Variants in TMTC3 observed in about 807,000 individuals in gnomAD.
The protein encoded by TMTC3 is transmembrane O-mannosyltransferase targeting cadherins 3.
In TMTC3, 52 loss-of-function variants were observed where a neutral mutation model predicts 92.2. The ratio of observed to expected loss-of-function variants is 0.56; its 90% CI spans 0.45 to 0.71. TMTC3 has a LOEUF of 0.71. Ranked by LOEUF, TMTC3 falls within the 30% of genes least tolerant of loss-of-function variation. The pLI is 0.00. For synonymous variants in TMTC3, 339 were observed against 363.3 expected, an observed-to-expected ratio of 0.93 and a Z score of 0.76; for missense variants, 896 against 1,057.1, an observed-to-expected ratio of 0.85 and a Z score of 2.11.
chr12:88,187,457 T>C (rs1453653446), intron 10 of TMTC3, among the ~76,000 whole-genome samples: 2 of 152,204 alleles, frequency 1.3e-5, no homozygotes, highest in African/African-American at 4.8e-5. Context: ...TATCTGACTT[T>C]TTTTTAAACT....
Position 88,199,640 on chromosome 12 carries a change from C to T in TMTC3, c.*3991C>T, listed in dbSNP as rs866236634. 3 of 152,116 alleles carry T rather than the reference C, an allele frequency of 2.0e-5. No homozygotes were observed. The highest frequency in any genetic ancestry group is 2.9e-5 in the Non-Finnish European group (2 of 68,002). 9.4% of individuals were successfully genotyped at this position (152,116 alleles called of 1,614,324 possible). A position where few individuals can be genotyped will look rare whatever the true frequency, so the allele number is the denominator to read the frequency against. On this transcript the variant is annotated 3_prime_UTR_variant, in exon 14 of 14. Coordinates refer to ENST00000266712, the MANE Select transcript of TMTC3 (RefSeq NM_181783.4). The stretch of plus-strand genomic sequence containing the variant: ...AAGATAAATTATACTTAGGATGAAG[C>T]TAAAATGCATAACTGAGACACCTTA...
rs965309994 is a variant in TMTC3, at chr12:88,198,695, T to C, written c.*3046T>C. ...TTTTCATTACATCTAATTTGAACTC[T>C]CAACTTCATGTTACAGAATGCTTTA... On this transcript the variant is annotated 3_prime_UTR_variant, in exon 14 of 14. Transcript: ENST00000266712. 1.3e-5 allele frequency: 4 copies of C among 317,980 alleles called. No individual in the cohort carries two copies. Among genetic ancestry groups the C allele is most frequent in the African/African-American group, 6.4e-5 (3 of 46,888 alleles). 19.7% of individuals were successfully genotyped at this position (317,980 alleles called of 1,614,324 possible).
intron 8 of TMTC3, 117 bp downstream of exon 8, chr12:88,172,862 A>T: frequency 6.8e-7 from 1 of 1,476,668 alleles, no homozygotes; most frequent in Non-Finnish European, 9.0e-7. Flanking sequence ...TTGGTTTTTC[A>T]TCTCCATAGT....
intron 11 of TMTC3, among the ~76,000 whole-genome samples, chr12:88,189,254 C>T (rs1009923220): frequency 8.6e-5 from 13 of 151,934 alleles, no homozygotes; most frequent in South Asian, 6.2e-4. Context: ...CCACCACACC[C>T]GGCTAATTTT....
intron 10 of TMTC3, among the ~76,000 whole-genome samples, chr12:88,187,771 A>G (rs755121319): frequency 3.3e-4 from 50 of 152,308 alleles, no homozygotes; most frequent in Non-Finnish European, 5.7e-4. Flanking sequence ...ATTATTGCAC[A>G]ATTGCAAAAT....
chr12:88,145,703 T>C (rs1592718751), intron 1 of TMTC3, among the ~76,000 whole-genome samples: 1 of 152,192 alleles, frequency 6.6e-6, no homozygotes, highest in South Asian at 2.1e-4. Context: ...ATAGATATTA[T>C]GTATTCACGT....
At chr12:88,149,335 G>A (rs1565942255) in intron 2 of TMTC3, among the ~76,000 whole-genome samples, 1 of 152,048 alleles carries the variant, frequency 6.6e-6, no homozygotes, top group African/African-American at 2.4e-5. Context: ...TCTAATTTTA[G>A]TTATGTCATA....
rs948064967 is a variant in TMTC3, at chr12:88,172,927, CTG to C, written c.1199+186_1199+187del. ...GAAAGCTCCATGGCACCTACTTATT[CTG>C]TGTTCTTCCCTATATTTATGTAATT... On this transcript the variant is annotated intron_variant, in intron 8 of 13. Transcript: ENST00000266712. 12 of 1,491,606 alleles carry C rather than the reference CTG, an allele frequency of 8.0e-6. No homozygotes were observed. In the Admixed American group the frequency reaches 2.4e-4, roughly 30 times the overall value. The allele number at this position is 1,491,606 out of a possible 1,614,324, so 92.4% of individuals were successfully genotyped here. A position where few individuals can be genotyped will look rare whatever the true frequency, so the allele number is the denominator to read the frequency against.
chr12:88,150,359 T>C (rs1394988928), intron 2 of TMTC3, among the ~76,000 whole-genome samples: 1 of 152,168 alleles, frequency 6.6e-6, no homozygotes, highest in Non-Finnish European at 1.5e-5. Context: ...TCCACCCTAA[T>C]AATCCAATCA....
chr12:88,194,861 G>C lies in TMTC3; in HGVS notation c.1957G>C (p.Ala653Pro). The change falls in exon 14 of 14, where the codon GCT becomes CCT. Residue 653 changes from alanine (A) to proline (P), a missense_variant. Ala to Pro is a conservative substitution (Grantham distance 27). Coordinates refer to ENST00000266712, the MANE Select transcript of TMTC3 (RefSeq NM_181783.4). Reference sequence around the variant, plus strand: ...AGGTGAGGTTAAACTCAGACCTGAAGCTAGAAAACGACTTCTAAGTTATAT... The same window carrying C: ...AGGTGAGGTTAAACTCAGACCTGAACCTAGAAAACGACTTCTAAGTTATAT... The part of the protein sequence containing the change: ...ESGEVKLRPE[A>P]RKRLLSYINE... 1 of 1,599,098 alleles carries C rather than the reference G, an allele frequency of 6.3e-7. No individual in the cohort carries two copies. Among genetic ancestry groups the C allele is most frequent in the Non-Finnish European group, 8.5e-7 (1 of 1,174,168 alleles).
chr12:88,195,476 A>G lies in TMTC3; in HGVS notation c.2572A>G (p.Ile858Val). 1.2e-6 allele frequency: 2 copies of G among 1,612,912 alleles called. No homozygotes were observed. The highest frequency in any genetic ancestry group is 1.7e-6 in the Non-Finnish European group (2 of 1,179,638). Residue 858 changes from isoleucine to valine, a missense_variant, in exon 14 of 14, where the codon ATA (isoleucine) becomes GTA (valine). By Grantham distance (29) the Ile-to-Val change is conservative. Coordinates refer to ENST00000266712, the MANE Select transcript of TMTC3 (RefSeq NM_181783.4). The stretch of plus-strand genomic sequence containing the variant: ...TAGAGGTGAATCCAGACAAACACAA[A>G]TAGTAAAAACAAGTGATAATAAAAG... ...EIRGESRQTQ[I>V]VKTSDNKSQS...
At chr12:88,175,127 A>G (rs1227726452) in intron 9 of TMTC3, among the ~76,000 whole-genome samples, 8 of 152,060 alleles carry the variant, frequency 5.3e-5, no homozygotes, top group Non-Finnish European at 1.5e-5. Flanking sequence ...TACTTAAAAT[A>G]ATGATGTTAT....
At chr12:88,144,408 G>GTT (rs374446950) in intron 1 of TMTC3, among the ~76,000 whole-genome samples, 1 of 147,092 alleles carries the variant, frequency 6.8e-6, no homozygotes. Context: ...CTTTTCTTCT[G>GTT]TTTTTTTTTT....
Position 88,191,607 on chromosome 12 carries a change from G to A in TMTC3, c.1706+985G>A, listed in dbSNP as rs2041443368. Among the ~76,000 whole-genome samples, 3 of 152,074 alleles carry A rather than the reference G, an allele frequency of 2.0e-5. No individual in the cohort carries two copies. In the South Asian group the frequency reaches 6.2e-4, roughly 32 times the overall value. ...CCACACTAGAAAGATTTATACAATG[G>A]TTTCTTAACTGGTCCTCAATTCTAA... On this transcript the variant is annotated intron_variant, in intron 12 of 13. Transcript: ENST00000266712.
intron 10 of TMTC3, among the ~76,000 whole-genome samples, chr12:88,187,623 C>T (rs1439739678): frequency 6.6e-6 from 1 of 152,122 alleles, no homozygotes; most frequent in Non-Finnish European, 1.5e-5. Context: ...AAACCTGGAC[C>T]GCATCTGCCA....
chr12:88,192,767 C>A lies in TMTC3; in HGVS notation c.1870C>A (p.Leu624Met). 3 of 1,613,396 alleles carry A rather than the reference C, an allele frequency of 1.9e-6. No individual in the cohort carries two copies. Among genetic ancestry groups the A allele is most frequent in the Non-Finnish European group, 2.5e-6 (3 of 1,179,664 alleles). The part of the protein sequence containing the change: ...NEALKNFNRA[L>M]ELNPKHKLAL... ...AGCCCTAAAAAACTTTAATCGTGCT[C>A]TGGAACTAAATCCAAAGCATAAACT... is the stretch of plus-strand genomic sequence containing the variant. Residue 624 changes from leucine to methionine, a missense_variant, in exon 13 of 14, where the codon CTG becomes ATG. Coordinates refer to ENST00000266712, the MANE Select transcript of TMTC3 (RefSeq NM_181783.4).
chr12:88,161,048 A>G (rs2041072414), intron 6 of TMTC3, among the ~76,000 whole-genome samples, 197 bp downstream of exon 6: 1 of 152,148 alleles, frequency 6.6e-6, no homozygotes, highest in African/African-American at 2.4e-5. Context: ...TAAAGCCCCC[A>G]CAATAAAGAT....
intron 10 of TMTC3, among the ~76,000 whole-genome samples, chr12:88,179,620 A>T (rs1592743388): frequency 2.0e-5 from 3 of 152,078 alleles, no homozygotes; most frequent in African/African-American, 7.2e-5. Flanking sequence ...TGAAAGAGGT[A>T]TGCTGACACA....
In TMTC3 at chr12:88,198,890, T is replaced by TTATC. The variant is rs2041547795; in HGVS notation, c.*3243_*3246dup. 6.6e-6 allele frequency: 1 copy of TTATC among 152,406 alleles called. No individual in the cohort carries two copies. Among genetic ancestry groups the TTATC allele is most frequent in the Non-Finnish European group, 1.5e-5 (1 of 68,184 alleles). The allele number at this position is 152,406 out of a possible 1,614,324, so 9.4% of individuals were successfully genotyped here. A position where few individuals can be genotyped will look rare whatever the true frequency, so the allele number is the denominator to read the frequency against. ...ATATCTTGTACCTTTGTCCAAAAGT[T>TTATC]TATCTGTTGGAAGCCGCCAGCCATT... On this transcript the variant is annotated 3_prime_UTR_variant, in exon 14 of 14. Transcript: ENST00000266712.
Sources: gnomAD v4.1 joint callset for allele counts (sites outside exome capture counted in the v4.1 genomes callset) on GRCh38, gnomAD v4.1.1 for gene constraint, MANE v1.5 for transcripts, NCBI Gene and HGNC (gene_info 2026-07-23, HGNC 2026-07-21) for gene names.